Variants in NPSR1 observed in about 807,000 individuals in gnomAD.
NPSR1 encodes the protein neuropeptide S receptor.
NPSR1 carries 48 observed loss-of-function variants against 46.9 expected under a neutral mutation model. The observed-to-expected ratio is 1.02, with a 90% CI of 0.81 to 1.30. The LOEUF is 1.30. Among genes scored for constraint, NPSR1 ranks in the 50% most tolerant of loss-of-function variants. The probability of loss-of-function intolerance (pLI) is 0.00; values close to 1 mark genes in which losing one functional copy is unlikely to be tolerated. For missense variants in NPSR1, 450 were observed against 449.5 expected (o/e 1.00, Z -0.01); for synonymous variants, 176 against 168.1 (o/e 1.05, Z -0.36).
chr7:34,866,167 C>G (rs1289738162), intron 8 of NPSR1, among the ~76,000 whole-genome samples: 1 of 151,844 alleles, frequency 6.6e-6, no homozygotes, highest in Non-Finnish European at 1.5e-5. Flanking sequence ...CTCCACCTCC[C>G]AACCAAAACA....
chr7:34,845,687 A>C (rs1174081723), intron 7 of NPSR1: 1 of 431,012 alleles, frequency 2.3e-6, no homozygotes, highest in Non-Finnish European at 4.6e-6. Flanking sequence ...ATTTTCTTAT[A>C]GTCTGTCTCC....
chr7:34,817,875 T>C (rs559665253), intron 4 of NPSR1, among the ~76,000 whole-genome samples: 1 of 152,196 alleles, frequency 6.6e-6, no homozygotes, highest in Non-Finnish European at 1.5e-5. Flanking sequence ...ACGCCCTTCA[T>C]GCTAAAAACT....
At chr7:34,687,114 G>A (rs113641589) in intron 2 of NPSR1, among the ~76,000 whole-genome samples, 2,154 of 150,108 alleles carry the variant, frequency 0.014, 48 homozygotes, top group African/African-American at 0.051. Context: ...CTACCAAACC[G>A]TGATCTCAGA....
intron 4 of NPSR1, among the ~76,000 whole-genome samples, chr7:34,814,404 G>A (rs1488226267): frequency 6.6e-6 from 1 of 152,236 alleles, no homozygotes; most frequent in East Asian, 1.9e-4. Context: ...CAAACTGGGT[G>A]GAGCCCACTG....
At chr7:34,820,359 A>G (rs10233723) in intron 4 of NPSR1, among the ~76,000 whole-genome samples, 21,845 of 152,164 alleles carry the variant, frequency 0.14, 2,076 homozygotes, top group East Asian at 0.32. Flanking sequence ...CTTCTCGGTC[A>G]TTTGGTGTGT....
At chr7:34,837,184 G>C (rs764360559) in intron 6 of NPSR1, among the ~76,000 whole-genome samples, 51 of 152,260 alleles carry the variant, frequency 3.3e-4, no homozygotes, top group Non-Finnish European at 6.8e-4. Context: ...ATTCTCTACA[G>C]TTACCTAAAT....
Position 34,740,643 on chromosome 7 carries a change from G to A in NPSR1, c.281-37819G>A, listed in dbSNP as rs547162750. Among the ~76,000 whole-genome samples the A allele has an allele frequency of 8.5e-5, 13 of 152,276 alleles. No individual in the cohort carries two copies. In the South Asian group the frequency reaches 1.7e-3, roughly 19 times the overall value. ...ATTGACTTAGCTCCAGGTATGGTCA[G>A]AATATTCTCCTGTCATCTAGACCTT... On this transcript the variant is annotated intron_variant, in intron 2 of 8. Coordinates refer to ENST00000360581, the MANE Select transcript of NPSR1 (RefSeq NM_207172.2).
intron 3 of NPSR1, among the ~76,000 whole-genome samples, chr7:34,789,828 T>C (rs1787646527): frequency 6.6e-6 from 1 of 151,038 alleles, no homozygotes; most frequent in South Asian, 2.1e-4. Flanking sequence ...CTTTGAGTAT[T>C]GAAGGAATGG....
rs60599463 is a variant in NPSR1, at chr7:34,705,599, ATCTCTC to A, written c.280+20936_280+20941del. 2.4e-3 allele frequency among the ~76,000 whole-genome samples: 347 copies of A among 147,168 alleles called. 4 individuals carry two copies. Among genetic ancestry groups the A allele is most frequent in the Admixed American group, 0.012 (179 of 14,684 alleles). On this transcript the variant is annotated intron_variant, in intron 2 of 8. Transcript: ENST00000360581. ...AATGTATGTTTGTGTATGTATGTTG[ATCTCTC>A]TCTCTCTCTCTCTCTCTCTCATACA...
At chr7:34,828,366 A>T (rs1789957522) in intron 5 of NPSR1, among the ~76,000 whole-genome samples, 1 of 152,200 alleles carries the variant, frequency 6.6e-6, no homozygotes, top group South Asian at 2.1e-4. Context: ...TTGGCAAAAA[A>T]GTCATAGGAA....
chr7:34,792,674 TGTATATATATATATGTATATATATAC>T (rs1438950089), intron 3 of NPSR1, among the ~76,000 whole-genome samples: 20 of 120,606 alleles, frequency 1.7e-4, no homozygotes, highest in African/African-American at 2.8e-4. Context: ...TTTATATATA[TGTATATATATATATGTATATATATAC>T]GTATATATAT....
chr7:34,690,799 C>A (rs1793210905), intron 2 of NPSR1, among the ~76,000 whole-genome samples: 1 of 152,044 alleles, frequency 6.6e-6, no homozygotes, highest in African/African-American at 2.4e-5. Flanking sequence ...TATGGAAAAC[C>A]TATTTGAGGA....
At chr7:34,871,398 T>C (rs931043977) in intron 8 of NPSR1, 2 of 151,718 alleles carry the variant, frequency 1.3e-5, no homozygotes, top group Non-Finnish European at 2.9e-5. Flanking sequence ...GGGGATTACA[T>C]TTCAACATGA....
chr7:34,786,293 A>C (rs1787464347), intron 3 of NPSR1, among the ~76,000 whole-genome samples: 1 of 152,148 alleles, frequency 6.6e-6, no homozygotes, highest in Non-Finnish European at 1.5e-5. Flanking sequence ...CTCATCCATA[A>C]TAAGCAATTC....
intron 4 of NPSR1, among the ~76,000 whole-genome samples, chr7:34,820,065 A>G (rs933256688): frequency 1.3e-5 from 2 of 152,172 alleles, no homozygotes; most frequent in Non-Finnish European, 2.9e-5. Flanking sequence ...ATAATTTAAA[A>G]AAAAGAATTT....
At chr7:34,709,672 C>T (rs1007844384) in intron 2 of NPSR1, among the ~76,000 whole-genome samples, 2 of 152,150 alleles carry the variant, frequency 1.3e-5, no homozygotes, top group African/African-American at 2.4e-5. Context: ...GAATTTACCA[C>T]TGATTGTTTG....
At chr7:34,660,103 G>C (rs752245782) in intron 1 of NPSR1, 2 of 456,682 alleles carry the variant, frequency 4.4e-6, no homozygotes. Flanking sequence ...CTCTATGAGT[G>C]TTTGTCCTCT....
At chr7:34,775,917 T>C (rs1276595295) in intron 2 of NPSR1, among the ~76,000 whole-genome samples, 6 of 152,102 alleles carry the variant, frequency 3.9e-5, no homozygotes, top group Non-Finnish European at 7.4e-5. Context: ...TAGATTTTGG[T>C]ATGTTGTGTT....
At chr7:34,844,202 T>C (rs1489372683) in intron 6 of NPSR1, among the ~76,000 whole-genome samples, 1 of 152,250 alleles carries the variant, frequency 6.6e-6, no homozygotes, top group Non-Finnish European at 1.5e-5. Flanking sequence ...TTACCACTGC[T>C]CGACTAATGA....
Sources: allele counts gnomAD v4.1 joint callset (sites outside exome capture counted in the v4.1 genomes callset), GRCh38; gene constraint gnomAD v4.1.1; transcripts MANE v1.5; gene names NCBI Gene and HGNC (gene_info 2026-07-23, HGNC 2026-07-21).